RBFOX2: variants seen among roughly 807,000 people sequenced by gnomAD.
RBFOX2 encodes the protein RNA binding fox-1 homolog 2, also known as RNA binding protein fox-1 homolog 2.
A neutral mutation model predicts 49.1 loss-of-function variants in RBFOX2; 10 were observed. The observed-to-expected ratio is 0.20, with a 90% CI of 0.13 to 0.35. The LOEUF (loss-of-function observed/expected upper bound fraction) is 0.35. Among genes scored for constraint, RBFOX2 ranks in the 10% least tolerant of loss-of-function variants. RBFOX2 has a pLI of 1.00. For missense variants in RBFOX2, 323 were observed against 486.9 expected (o/e 0.66, Z 3.17); for synonymous variants, 183 against 187.4 (o/e 0.98, Z 0.19).
intron 1 of RBFOX2, among the ~76,000 whole-genome samples, chr22:35,811,497 C>G (rs563056451): frequency 6.6e-6 from 1 of 152,160 alleles, no homozygotes; most frequent in East Asian, 1.9e-4. Flanking sequence ...AGAAACCAAC[C>G]CTGCTGACAC....
exon 12 of RBFOX2, chr22:35,744,181 C>G (rs758671765): frequency 1.2e-5 from 19 of 1,604,736 alleles, no homozygotes; most frequent in East Asian, 2.2e-5. Flanking sequence ...GGGGCTGTCC[C>G]ATTTGCAGGG....
intron 1 of RBFOX2, among the ~76,000 whole-genome samples, chr22:35,812,673 G>A (rs1285265077): frequency 6.6e-6 from 1 of 152,132 alleles, no homozygotes; most frequent in Non-Finnish European, 1.5e-5. Flanking sequence ...TAATCTCACA[G>A]GAATCCATAA....
At chr22:35,760,258 T>C (rs1017290415) in intron 8 of RBFOX2, among the ~76,000 whole-genome samples, 2 of 152,176 alleles carry the variant, frequency 1.3e-5, no homozygotes, top group African/African-American at 4.8e-5. Context: ...ATCACAAATC[T>C]TGAGTGAGCT....
At chr22:35,934,268 G>A (rs1354887708) in intron 1 of RBFOX2, among the ~76,000 whole-genome samples, 4 of 151,654 alleles carry the variant, frequency 2.6e-5, no homozygotes, top group African/African-American at 4.8e-5. Context: ...TAAGGATCTT[G>A]ACCTCATATC....
chr22:35,873,754 G>A (rs958119106), intron 1 of RBFOX2, among the ~76,000 whole-genome samples: 4 of 152,082 alleles, frequency 2.6e-5, no homozygotes, highest in Admixed American at 6.5e-5. Context: ...TTGGCTCACC[G>A]CAACTTCTGC....
chr22:35,873,508 T>C (rs1167463218), intron 1 of RBFOX2, among the ~76,000 whole-genome samples: 1 of 152,192 alleles, frequency 6.6e-6, no homozygotes, highest in Non-Finnish European at 1.5e-5. Flanking sequence ...CATAGCGTAG[T>C]TCCTACAATA....
intron 1 of RBFOX2, among the ~76,000 whole-genome samples, chr22:36,018,282 GTGGGAGACA>G (rs1205229413): frequency 2.0e-5 from 3 of 152,204 alleles, no homozygotes; most frequent in Non-Finnish European, 4.4e-5. Flanking sequence ...CAGCAGGAGT[GTGGGAGACA>G]TGGGAATAGT....
chr22:35,969,938 C>G (rs2150003882), intron 1 of RBFOX2, among the ~76,000 whole-genome samples: 1 of 152,280 alleles, frequency 6.6e-6, no homozygotes, highest in Admixed American at 6.5e-5. Context: ...CGCAAATGGA[C>G]TTGAGGCCAT....
At chr22:35,893,315 T>TA (rs888704329) in intron 1 of RBFOX2, among the ~76,000 whole-genome samples, 83 of 146,844 alleles carry the variant, frequency 5.7e-4, no homozygotes, top group South Asian at 1.7e-3. Context: ...GGTTAATAAG[T>TA]AAAAAAAAAA....
At chr22:35,951,047 G>A (rs1196398729) in intron 1 of RBFOX2, among the ~76,000 whole-genome samples, 5 of 148,698 alleles carry the variant, frequency 3.4e-5, no homozygotes, top group Non-Finnish European at 5.9e-5. Context: ...TCCACCTCCC[G>A]GGTTCATGCC....
In RBFOX2 at chr22:35,864,297, G is replaced by A. The variant is rs573940901; in HGVS notation, c.-33-54293C>T. Among the ~76,000 whole-genome samples, 15 of 152,164 alleles carry A rather than the reference G, an allele frequency of 9.9e-5. No homozygotes were observed. The South Asian group carries it at 3.1e-3, about 32-fold the overall frequency. The stretch of plus-strand genomic sequence containing the variant: ...TCATAAGTGAAATAAACATAGAAGG[G>A]TTCATAGTACCTACCAGGGTTTTTT... On this transcript the variant is annotated intron_variant, in intron 1 of 13. Coordinates refer to the RBFOX2 transcript ENST00000359369.
upstream of RBFOX2, among the ~76,000 whole-genome samples, chr22:35,963,411 CTAAGTAT>C (rs1242835592): frequency 1.3e-5 from 2 of 152,076 alleles, no homozygotes; most frequent in Non-Finnish European, 2.9e-5. Flanking sequence ...GTTCCACTGG[CTAAGTAT>C]TAAGTATGAT....
chr22:35,882,619 C>T (rs1236080616), intron 1 of RBFOX2, among the ~76,000 whole-genome samples: 1 of 152,136 alleles, frequency 6.6e-6, no homozygotes, highest in Non-Finnish European at 1.5e-5. Flanking sequence ...AAGAGAATTG[C>T]TGGATCCATG....
chr22:35,779,283 A>T (rs146462843), intron 3 of RBFOX2, among the ~76,000 whole-genome samples: 1 of 152,324 alleles, frequency 6.6e-6, no homozygotes, highest in Admixed American at 6.5e-5. Context: ...TTTTTGGCTT[A>T]TATTTCCCTC....
chr22:35,950,953 C>CTTT (rs747849148), intron 1 of RBFOX2, among the ~76,000 whole-genome samples: 7 of 128,130 alleles, frequency 5.5e-5, no homozygotes, highest in East Asian at 2.2e-4. Context: ...GTAAAGAATT[C>CTTT]TTTTTTTTTT....
At chr22:35,860,267 C>T (rs924883099) in intron 1 of RBFOX2, among the ~76,000 whole-genome samples, 5 of 152,048 alleles carry the variant, frequency 3.3e-5, no homozygotes, top group African/African-American at 9.7e-5. Flanking sequence ...TCTGGAACCC[C>T]GACACTACTG....
At chr22:35,906,426 C>T (rs1357280827) in intron 1 of RBFOX2, among the ~76,000 whole-genome samples, 2 of 152,142 alleles carry the variant, frequency 1.3e-5, no homozygotes, top group Non-Finnish European at 2.9e-5. Context: ...AATCTAATGA[C>T]TTACCCAGGC....
intron 1 of RBFOX2, among the ~76,000 whole-genome samples, chr22:36,024,903 G>A (rs940122362): frequency 5.3e-5 from 8 of 151,910 alleles, no homozygotes; most frequent in African/African-American, 1.9e-4. Flanking sequence ...CGCCTCCCGA[G>A]TTCAAGTGAT....
upstream of RBFOX2, among the ~76,000 whole-genome samples, chr22:35,965,930 C>T (rs1340255672): frequency 6.6e-6 from 1 of 152,134 alleles, no homozygotes; most frequent in African/African-American, 2.4e-5. Flanking sequence ...AAGTGCATAA[C>T]TCAATGAATT....
Sources: allele counts gnomAD v4.1 joint callset (sites outside exome capture counted in the v4.1 genomes callset), GRCh38; gene constraint gnomAD v4.1.1; transcripts MANE v1.5; gene names NCBI Gene and HGNC (gene_info 2026-07-23, HGNC 2026-07-21).